ALKBH5: variants seen among roughly 807,000 people sequenced by gnomAD.
ALKBH5 encodes the protein alkB homolog 5, RNA demethylase, also known as RNA demethylase ALKBH5.
In ALKBH5, 2 loss-of-function variants were observed where a neutral mutation model predicts 32.1. The observed-to-expected ratio is 0.06, with a 90% CI of 0.03 to 0.20. The LOEUF (loss-of-function observed/expected upper bound fraction) is 0.20. Among genes scored for constraint, ALKBH5 ranks in the 10% least tolerant of loss-of-function variants. ALKBH5 has a pLI of 1.00. For missense variants in ALKBH5, 352 were observed against 559.5 expected (o/e 0.63, Z 3.74); for synonymous variants, 300 against 231.7 (o/e 1.29, Z -2.68).
intron 1 of ALKBH5, among the ~76,000 whole-genome samples, chr17:18,193,266 G>A (rs2047187698): frequency 6.6e-6 from 1 of 151,890 alleles, no homozygotes; most frequent in Admixed American, 6.6e-5. Context: ...TAAAGGTTTG[G>A]GCCGGGCGCG....
At chr17:18,201,793 TAAGA>T (rs1269791390) in intron 2 of ALKBH5, among the ~76,000 whole-genome samples, 7 of 74,214 alleles carry the variant, frequency 9.4e-5, no homozygotes, top group African/African-American at 3.0e-4. Flanking sequence ...ATAGGATAGA[TAAGA>T]TAGATAGATA....
intron 2 of ALKBH5, among the ~76,000 whole-genome samples, chr17:18,197,810 C>T (rs1274381598): frequency 1.3e-5 from 2 of 152,190 alleles, no homozygotes; most frequent in Non-Finnish European, 2.9e-5. Context: ...TCAGTGGGCC[C>T]AGGAACCATT....
In ALKBH5 at chr17:18,209,622, C is replaced by T. The variant is rs1268391167; in HGVS notation, c.*1226C>T. 6.6e-6 allele frequency: 1 copy of T among 152,272 alleles called. No homozygotes were observed. Among genetic ancestry groups the T allele is most frequent in the Non-Finnish European group, 1.5e-5 (1 of 68,058 alleles). The allele number at this position is 152,272 out of a possible 1,614,324, so 9.4% of individuals were successfully genotyped here. ...GATCTAGATTCATTAGGAATGTCTT[C>T]TTGTCAGCCAGGCCAGGACCCGGGC... On this transcript the variant is annotated 3_prime_UTR_variant, in exon 4 of 4. Coordinates refer to ENST00000399138, the MANE Select transcript of ALKBH5 (RefSeq NM_017758.4).
chr17:18,201,798 T>TAGGATAGATA (rs1567676678), intron 2 of ALKBH5, among the ~76,000 whole-genome samples: 30 of 52,906 alleles, frequency 5.7e-4, no homozygotes, highest in Non-Finnish European at 9.4e-4. Context: ...ATAGATAAGA[T>TAGGATAGATA]AGATAGATAG....
rs1238514163 is a variant in ALKBH5 at position 18,184,061 on chromosome 17, C to T, written c.-183C>T. The T allele has an allele frequency of 8.8e-6, 6 of 682,798 alleles. No individual in the cohort carries two copies. Among genetic ancestry groups the T allele is most frequent in the Non-Finnish European group, 1.6e-5 (6 of 379,342 alleles). 42.3% of individuals were successfully genotyped at this position (682,798 alleles called of 1,614,324 possible). On this transcript the variant is annotated 5_prime_UTR_variant, in exon 1 of 4. Coordinates refer to ENST00000399138, the MANE Select transcript of ALKBH5 (RefSeq NM_017758.4). ...GTTGTCGCCACCGTTGCATGACCCGCCGCTCCTGAGGCCCTACCCCACGCC... is the reference window on the plus strand; with the variant it reads ...GTTGTCGCCACCGTTGCATGACCCGTCGCTCCTGAGGCCCTACCCCACGCC...
rs145292428 is a variant in ALKBH5, at chr17:18,198,926, A to G, written c.851+3891A>G. On this transcript the variant is annotated intron_variant, in intron 2 of 3. Coordinates refer to ENST00000399138, the MANE Select transcript of ALKBH5 (RefSeq NM_017758.4). Reference sequence around the variant, plus strand: ...TGTTTGGGGTCACAACTTAGCCAGTAAATGGCTGAGTGACACCTGGAACCT... The same window carrying G: ...TGTTTGGGGTCACAACTTAGCCAGTGAATGGCTGAGTGACACCTGGAACCT... 2.5e-3 allele frequency among the ~76,000 whole-genome samples: 378 copies of G among 152,334 alleles called. 1 individual carries two copies. The highest frequency in any genetic ancestry group is 4.3e-3 in the Non-Finnish European group (295 of 68,022).
At chr17:18,189,221 C>CA (rs770901338) in intron 1 of ALKBH5, among the ~76,000 whole-genome samples, 1 of 151,820 alleles carries the variant, frequency 6.6e-6, no homozygotes, top group Non-Finnish European at 1.5e-5. Context: ...ACTAAAAATA[C>CA]AAAAAACAAA....
In ALKBH5 at chr17:18,203,390, G is replaced by A. The variant is rs181264481; in HGVS notation, c.852-3425G>A. On this transcript the variant is annotated intron_variant, in intron 2 of 3. Transcript: ENST00000399138. Reference sequence around the variant, plus strand: ...AGGATCAACTCCCTCCCTTCCCTTCGGTTCACACTTTAGTGCTACAGCCAT... The same window carrying A: ...AGGATCAACTCCCTCCCTTCCCTTCAGTTCACACTTTAGTGCTACAGCCAT... Among the ~76,000 whole-genome samples, 317 of 152,288 alleles carry A rather than the reference G, an allele frequency of 2.1e-3. 1 individual carries two copies. Among genetic ancestry groups the A allele is most frequent in the Middle Eastern group, 3.4e-3 (1 of 294 alleles).
intron 2 of ALKBH5, among the ~76,000 whole-genome samples, chr17:18,197,783 T>C (rs529580798): frequency 6.6e-6 from 1 of 152,282 alleles, no homozygotes; most frequent in South Asian, 2.1e-4. Context: ...TGACTGAAGC[T>C]CTTCTACCTT....
At position 18,184,214 on chromosome 17, in the gene ALKBH5, G is replaced by A. The variant is rs1221075105; in HGVS notation, c.-30G>A. On this transcript the variant is annotated 5_prime_UTR_variant, in exon 1 of 4. Transcript: ENST00000399138. The stretch of plus-strand genomic sequence containing the variant: ...CATGCCCGGCTGCCCCGCCCGCCCC[G>A]GAGGACCCTAGAGCAGCGTCGTGGG... 4 of 1,472,358 alleles carry A rather than the reference G, an allele frequency of 2.7e-6. No homozygotes were observed. Among genetic ancestry groups the A allele is most frequent in the South Asian group, 2.6e-5 (2 of 75,744 alleles). The allele number at this position is 1,472,358 out of a possible 1,614,324, so 91.2% of individuals were successfully genotyped here.
At position 18,184,493 on chromosome 17, in the gene ALKBH5, A is replaced by C; in HGVS notation, c.250A>C (p.Lys84Gln). The C allele has an allele frequency of 6.2e-7, 1 of 1,612,988 alleles. No individual in the cohort carries two copies. The highest frequency in any genetic ancestry group is 8.5e-7 in the Non-Finnish European group (1 of 1,179,848). Residue 84 changes from lysine to glutamine, a missense_variant, in exon 1 of 4, where the codon AAG becomes CAG. Around this residue, in one of 4 missense-constraint regions of ALKBH5, gnomAD observed 144 missense variants for 125.8 expected, o/e 1.14. Transcript: ENST00000399138. Reference protein sequence around the residue: ...QQLQKEEEARKVKSGIRQMRL... With the variant: ...QQLQKEEEARQVKSGIRQMRL... ...GCTGCAGAAGGAGGAGGAGGCGCGC[A>C]AGGTGAAGAGCGGCATCCGCCAGAT... is the stretch of plus-strand genomic sequence containing the variant.
At chr17:18,207,501 A>G (rs928728560) in intron 3 of ALKBH5, among the ~76,000 whole-genome samples, 3 of 152,104 alleles carry the variant, frequency 2.0e-5, no homozygotes, top group African/African-American at 7.2e-5. Context: ...TCTCTACTAA[A>G]AAATACAAAA....
At chr17:18,185,643 C>A (rs977758618) in intron 1 of ALKBH5, among the ~76,000 whole-genome samples, 1 of 152,174 alleles carries the variant, frequency 6.6e-6, no homozygotes, top group Non-Finnish European at 1.5e-5. Context: ...TTTGTAAGAA[C>A]GTGTTACTTG....
chr17:18,204,386 G>A (rs1263982017), intron 2 of ALKBH5, among the ~76,000 whole-genome samples: 13 of 151,508 alleles, frequency 8.6e-5, no homozygotes. Context: ...GGGAGGCGGA[G>A]GTTGCAGTGA....
Position 18,184,779 on chromosome 17 carries a change from A to G in ALKBH5, c.536A>G (p.His179Arg), listed in dbSNP as rs956896770. The G allele has an allele frequency of 1.9e-6, 3 of 1,613,820 alleles. No individual in the cohort carries two copies. The highest frequency in any genetic ancestry group is 2.5e-6 in the Non-Finnish European group (3 of 1,179,972). Residue 179 changes from histidine (H) to arginine (R), a missense_variant, in exon 1 of 4, where the codon CAC becomes CGC. His to Arg is a conservative substitution (Grantham distance 29). This residue lies in a region of ALKBH5 where 56 missense variants were observed against 238.1 expected (regional missense o/e 0.24). Coordinates refer to ENST00000399138, the MANE Select transcript of ALKBH5 (RefSeq NM_017758.4). Reference sequence around the variant, plus strand: ...CTGGTGATCCAAAAGCTGGTGGAGCACCGCGTCATCCCCGAGGGCTTCGTC... The same window carrying G: ...CTGGTGATCCAAAAGCTGGTGGAGCGCCGCGTCATCCCCGAGGGCTTCGTC... Reference protein sequence around the residue: ...HQLVIQKLVEHRVIPEGFVNS... With the variant: ...HQLVIQKLVERRVIPEGFVNS...
At chr17:18,206,767 A>C (rs1567677733) in intron 2 of ALKBH5, 48 bp from the exon 3 acceptor site, 1 of 1,597,060 alleles carries the variant, frequency 6.3e-7, no homozygotes, top group East Asian at 2.2e-5. Context: ...TGGTGCCCAC[A>C]CCTTCACCGG....
At chr17:18,189,730 A>G (rs555966889) in intron 1 of ALKBH5, among the ~76,000 whole-genome samples, 2 of 152,340 alleles carry the variant, frequency 1.3e-5, no homozygotes, top group African/African-American at 4.8e-5. Context: ...AAACCAGTCT[A>G]ATGATGCTAT....
At chr17:18,192,643 C>CT (rs2047183303) in intron 1 of ALKBH5, among the ~76,000 whole-genome samples, 1 of 152,150 alleles carries the variant, frequency 6.6e-6, no homozygotes, top group African/African-American at 2.4e-5. Flanking sequence ...CAGGTCTCTT[C>CT]AACTCACTAA....
Position 18,206,891 on chromosome 17 carries a change from C to T in ALKBH5, c.928C>T (p.Arg310Cys), listed in dbSNP as rs1347962377. The change falls in exon 3 of 4, where the codon CGC (arginine) becomes TGC (cysteine). Residue 310 changes from arginine to cysteine, a missense_variant. Arg to Cys is a radical substitution (Grantham distance 180, BLOSUM62 -3). Around this residue, in one of 4 missense-constraint regions of ALKBH5, gnomAD observed 124 missense variants for 142.4 expected, o/e 0.87. Coordinates refer to ENST00000399138, the MANE Select transcript of ALKBH5 (RefSeq NM_017758.4). Reference protein sequence around the residue: ...SVLPPSYASDRLSGNNRDPAL... With the variant: ...SVLPPSYASDCLSGNNRDPAL... ...GTTACCACCCAGCTATGCTTCAGAT[C>T]GCCTGTCAGGAAACAACAGGGACCC... 5 of 1,614,248 alleles carry T rather than the reference C, an allele frequency of 3.1e-6. No homozygotes were observed. Among genetic ancestry groups the T allele is most frequent in the African/African-American group, 1.3e-5 (1 of 75,066 alleles).
Sources: gnomAD v4.1 joint callset for allele counts (sites outside exome capture counted in the v4.1 genomes callset) on GRCh38, gnomAD v4.1.1 for gene constraint, gnomAD v4.1.1 regional missense constraint, MANE v1.5 for transcripts, NCBI Gene and HGNC (gene_info 2026-07-23, HGNC 2026-07-21) for gene names.